The following ELAPOR1 variants were observed in gnomAD, a reference collection of about 807,000 sequenced individuals.
The protein encoded by ELAPOR1 is endosome/lysosome-associated apoptosis and autophagy regulator 1.
ELAPOR1 carries 77 observed loss-of-function variants against 119.7 expected under a neutral mutation model. The observed-to-expected ratio is 0.64, with a 90% CI of 0.54 to 0.78. ELAPOR1 has a LOEUF of 0.78. ELAPOR1 is among the 30% of genes least tolerant of loss of function. ELAPOR1 has a pLI of 0.00. For synonymous variants in ELAPOR1, 481 were observed against 487.2 expected (o/e 0.99, Z 0.17); for missense variants, 1,115 against 1,270.4 (o/e 0.88, Z 1.86).
chr1:109,154,258 G>T (rs1183553020), intron 1 of ELAPOR1, among the ~76,000 whole-genome samples: 1 of 134,918 alleles, frequency 7.4e-6, no homozygotes, highest in Non-Finnish European at 1.5e-5. Flanking sequence ...TCCAGCCTGG[G>T]CAACAAGAGC....
rs539447385 is a variant in ELAPOR1, at chr1:109,143,696, G to T, written c.154-18198G>T. ...GTTTGAACTTTTTTTTTGAGACAGG[G>T]TCTCACTTTGTCACCCAGGCTGGAG... is the stretch of plus-strand genomic sequence containing the variant. On this transcript the variant is annotated intron_variant, in intron 1 of 21. Coordinates refer to ENST00000369939, the MANE Select transcript of ELAPOR1 (RefSeq NM_020775.5). Among the ~76,000 whole-genome samples, 349 of 151,982 alleles carry T rather than the reference G, an allele frequency of 2.3e-3. 3 individuals are homozygous for T. The highest frequency in any genetic ancestry group is 8.0e-3 in the African/African-American group (333 of 41,448).
chr1:109,115,332 G>A (rs1304537730), intron 1 of ELAPOR1, among the ~76,000 whole-genome samples: 1 of 152,140 alleles, frequency 6.6e-6, no homozygotes, highest in Non-Finnish European at 1.5e-5. Flanking sequence ...AAATGTGAAG[G>A]ACTTCATAAA....
At chr1:109,191,607 G>A (rs555597354) in intron 12 of ELAPOR1, 119 bp from the exon 13 acceptor site, 15 of 1,439,002 alleles carry the variant, frequency 1.0e-5, no homozygotes, top group South Asian at 7.4e-5. Flanking sequence ...TGACCAGCAG[G>A]GACTTCACAG....
chr1:109,201,071 C>T (rs1570737420), intron 21 of ELAPOR1, among the ~76,000 whole-genome samples, 171 bp downstream of exon 21: 1 of 152,300 alleles, frequency 6.6e-6, no homozygotes, highest in Non-Finnish European at 1.5e-5. Context: ...TGTGTTTCTA[C>T]ACCAATACTC....
intron 9 of ELAPOR1, among the ~76,000 whole-genome samples, 184 bp downstream of exon 9, chr1:109,188,538 G>A (rs1276524146): frequency 6.6e-6 from 1 of 152,192 alleles, no homozygotes; most frequent in Non-Finnish European, 1.5e-5. Context: ...CTCGTCTGCA[G>A]GTCAGAGTCA....
Position 109,199,733 on chromosome 1 carries a change from G to A in ELAPOR1, c.2502-121G>A, listed in dbSNP as rs530615944. ...AGGACTAGTTGGAAGGATCCTGGTA[G>A]GGCTAATGGTTTGGGCAGGGAGAGG... On this transcript the variant is annotated intron_variant, in intron 18 of 21. Coordinates refer to ENST00000369939, the MANE Select transcript of ELAPOR1 (RefSeq NM_020775.5). 3.4e-4 allele frequency: 396 copies of A among 1,154,332 alleles called. 6 individuals carry two copies. In the South Asian group the frequency reaches 5.1e-3, roughly 15 times the overall value. The allele number at this position is 1,154,332 out of a possible 1,614,324, so 71.5% of individuals were successfully genotyped here.
chr1:109,135,429 A>C (rs1360577709), intron 1 of ELAPOR1, among the ~76,000 whole-genome samples: 1 of 152,094 alleles, frequency 6.6e-6, no homozygotes, highest in African/African-American at 2.4e-5. Context: ...TTTTTAGTAG[A>C]AACGGTTTCA....
intron 16 of ELAPOR1, 150 bp from the exon 17 acceptor site, chr1:109,197,829 C>A (rs1653923118): frequency 1.0e-6 from 1 of 970,140 alleles, no homozygotes; most frequent in Non-Finnish European, 1.6e-6. Context: ...CTCCCAGGGA[C>A]TCTGACAAAC....
chr1:109,165,033 G>A (rs141115776), intron 3 of ELAPOR1, among the ~76,000 whole-genome samples: 3 of 152,198 alleles, frequency 2.0e-5, no homozygotes, highest in Non-Finnish European at 4.4e-5. Context: ...ACTCACCCCT[G>A]TAATCCCAGC....
At chr1:109,162,159 G>GA (rs1306886241) in intron 2 of ELAPOR1, 145 bp downstream of exon 2, 3 of 844,678 alleles carry the variant, frequency 3.6e-6, no homozygotes, top group African/African-American at 3.4e-5. Flanking sequence ...CCACATCCCA[G>GA]ACCCTTATGA....
intron 1 of ELAPOR1, among the ~76,000 whole-genome samples, chr1:109,127,112 C>A (rs926230514): frequency 6.6e-6 from 1 of 151,782 alleles, no homozygotes; most frequent in Non-Finnish European, 1.5e-5. Flanking sequence ...GATAAAAGAA[C>A]ACAACAGATA....
chr1:109,172,136 G>A (rs1456250278), intron 4 of ELAPOR1, 123 bp downstream of exon 4: 1 of 1,251,540 alleles, frequency 8.0e-7, no homozygotes, highest in Non-Finnish European at 1.1e-6. Flanking sequence ...TCTCTCTGGA[G>A]AGAGCTGTGG....
At chr1:109,200,953 CT>C (rs1654135120) in intron 21 of ELAPOR1, 53 bp downstream of exon 21, 15 of 1,548,156 alleles carry the variant, frequency 9.7e-6, no homozygotes, top group Non-Finnish European at 1.3e-5. Flanking sequence ...GGAGGAGACA[CT>C]GCTCCTCAGA....
chr1:109,197,846 T>C, intron 16 of ELAPOR1, 133 bp from the exon 17 acceptor site: 1 of 997,374 alleles, frequency 1.0e-6, no homozygotes, highest in Non-Finnish European at 1.5e-6. Context: ...AAACCCTTGT[T>C]TCACCCTTTC....
chr1:109,174,420 A>T (rs893042989), intron 7 of ELAPOR1, among the ~76,000 whole-genome samples: 3 of 49,570 alleles, frequency 6.1e-5, no homozygotes, highest in Non-Finnish European at 1.1e-4. Flanking sequence ...CTCTAAAAAA[A>T]AAAAAAAAAA....
intron 1 of ELAPOR1, among the ~76,000 whole-genome samples, chr1:109,123,566 A>G (rs1311666630): frequency 6.6e-6 from 1 of 152,242 alleles, no homozygotes; most frequent in Admixed American, 6.5e-5. Context: ...GATGAACTTT[A>G]AATTTCTCTA....
rs193272348 is a variant in ELAPOR1, at chr1:109,140,782, A to G, written c.154-21112A>G. On this transcript the variant is annotated intron_variant, in intron 1 of 21. Transcript: ENST00000369939. ...GAGACTGGTATTTTATTAAGTGTCC[A>G]GAATTTATGAAATATTTTAAAGAAA... 7.4e-4 allele frequency among the ~76,000 whole-genome samples: 113 copies of G among 152,388 alleles called. No homozygotes were observed. The East Asian group carries it at 0.018, about 25-fold the overall frequency.
At chr1:109,151,635 G>A (rs1650535985) in intron 1 of ELAPOR1, among the ~76,000 whole-genome samples, 1 of 152,196 alleles carries the variant, frequency 6.6e-6, no homozygotes, top group African/African-American at 2.4e-5. Flanking sequence ...TATGCTAAGT[G>A]GAATTCATTG....
chr1:109,117,754 C>T (rs1005973679), intron 1 of ELAPOR1, among the ~76,000 whole-genome samples: 49 of 151,978 alleles, frequency 3.2e-4, no homozygotes, highest in Admixed American at 3.2e-3. Context: ...CAGATAATGA[C>T]GTATAAATGA....
Sources: allele counts gnomAD v4.1 joint callset (sites outside exome capture counted in the v4.1 genomes callset), GRCh38; gene constraint gnomAD v4.1.1; transcripts MANE v1.5; gene names NCBI Gene and HGNC (gene_info 2026-07-23, HGNC 2026-07-21).